Variants in FBXO8 observed in about 807,000 individuals in gnomAD.
The protein encoded by FBXO8 is F-box only protein 8.
FBXO8 carries 15 observed loss-of-function variants against 33.4 expected under a neutral mutation model. The observed-to-expected ratio is 0.45, with a 90% CI of 0.30 to 0.69. The LOEUF (loss-of-function observed/expected upper bound fraction) is 0.69. Ranked by LOEUF, FBXO8 falls within the 30% of genes least tolerant of loss-of-function variation. The pLI, the probability that FBXO8 is intolerant of heterozygous loss-of-function variation, is 0.08. For synonymous variants in FBXO8, 132 were observed against 131.5 expected (o/e 1.00, Z -0.02); for missense variants, 274 against 380.3 (o/e 0.72, Z 2.32).
rs1736857106 is a variant in FBXO8, at chr4:174,272,360, A to G, written c.-8-9260T>C. 6.6e-6 allele frequency among the ~76,000 whole-genome samples: 1 copy of G among 152,220 alleles called. No homozygotes were observed. Among genetic ancestry groups the G allele is most frequent in the African/African-American group, 2.4e-5 (1 of 41,454 alleles). ...CTCTAGATTACTTATAACATCCAAT[A>G]AGATGTAAATGCTATGTAAATAGTT... On this transcript the variant is annotated intron_variant, in intron 1 of 5. Transcript: ENST00000393674. The surrounding 1 kb of genome is among the most constrained non-coding windows in gnomAD (Gnocchi z 4.7).
chr4:174,240,993 T>G (rs1736021925), intron 4 of FBXO8, 107 bp downstream of exon 4: 1 of 561,476 alleles, frequency 1.8e-6, no homozygotes, highest in Non-Finnish European at 3.1e-6. Flanking sequence ...CTTTATTCAA[T>G]TTTGCAACCA....
In FBXO8 at chr4:174,275,313, G is replaced by C. The variant is rs184757165; in HGVS notation, c.-9+8097C>G. ...ACTATGGTGCTGGATATGTGAACTT[G>C]CACAGAACTTCATACACACACATAT... On this transcript the variant is annotated intron_variant, in intron 1 of 5. Transcript: ENST00000393674. This position sits in a 1 kb window ranked among gnomAD's most constrained non-coding sequence, Gnocchi z 4.4. 1.9e-4 allele frequency among the ~76,000 whole-genome samples: 29 copies of C among 152,240 alleles called. No individual in the cohort carries two copies. The East Asian group carries it at 5.6e-3, about 29-fold the overall frequency.
In FBXO8 at chr4:174,255,316, T is replaced by G. The variant is rs957260815; in HGVS notation, c.456+4383A>C. On this transcript the variant is annotated intron_variant, in intron 3 of 5. Coordinates refer to ENST00000393674, the MANE Select transcript of FBXO8 (RefSeq NM_012180.3). The surrounding 1 kb of genome is among the most constrained non-coding windows in gnomAD (Gnocchi z 4.3). Reference sequence around the variant, plus strand: ...ATACTGGAGCAAAAAGTCATTAACATATATCTGAGATACTATTTTTAAGAA... The same window carrying G: ...ATACTGGAGCAAAAAGTCATTAACAGATATCTGAGATACTATTTTTAAGAA... 6.6e-6 allele frequency among the ~76,000 whole-genome samples: 1 copy of G among 152,208 alleles called. No homozygotes were observed. The highest frequency in any genetic ancestry group is 2.4e-5 in the African/African-American group (1 of 41,466).
chr4:174,256,761 A>G lies in FBXO8; in HGVS notation c.456+2938T>C, dbSNP rs1736426059. Among the ~76,000 whole-genome samples, 1 of 152,104 alleles carries G rather than the reference A, an allele frequency of 6.6e-6. No individual in the cohort carries two copies. Among genetic ancestry groups the G allele is most frequent in the Admixed American group, 6.6e-5 (1 of 15,264 alleles). ...TATTAGGTAACATCTGCTAAATTAC[A>G]TGTTCATAAAAGCATAGAATCAGAA... On this transcript the variant is annotated intron_variant, in intron 3 of 5. Transcript: ENST00000393674. The surrounding 1 kb of genome is among the most constrained non-coding windows in gnomAD (Gnocchi z 4.6).
chr4:174,249,724 C>A (rs915427995), intron 3 of FBXO8, among the ~76,000 whole-genome samples: 2 of 151,892 alleles, frequency 1.3e-5, no homozygotes, highest in Admixed American at 1.3e-4. Flanking sequence ...GTAGCCAAGA[C>A]ACATATTTTA....
chr4:174,262,314 A>G lies in FBXO8; in HGVS notation c.329+450T>C, dbSNP rs1736581435. ...GAATTGAGTAAAAATGTAAGGCTCT[A>G]TATGAAGAAAATTAAAAACAGTAAC... On this transcript the variant is annotated intron_variant, in intron 2 of 5. Coordinates refer to ENST00000393674, the MANE Select transcript of FBXO8 (RefSeq NM_012180.3). The surrounding 1 kb of genome is among the most constrained non-coding windows in gnomAD (Gnocchi z 4.6). Among the ~76,000 whole-genome samples, 1 of 152,194 alleles carries G rather than the reference A, an allele frequency of 6.6e-6. No homozygotes were observed. Among genetic ancestry groups the G allele is most frequent in the Admixed American group, 6.5e-5 (1 of 15,280 alleles).
chr4:174,278,682 A>G lies in FBXO8; in HGVS notation c.-9+4728T>C, dbSNP rs1737007874. Among the ~76,000 whole-genome samples the G allele has an allele frequency of 6.6e-6, 1 of 152,096 alleles. No homozygotes were observed. Among genetic ancestry groups the G allele is most frequent in the African/African-American group, 2.4e-5 (1 of 41,438 alleles). The stretch of plus-strand genomic sequence containing the variant: ...GTAGCATATCCTAACCCACCTTCTC[A>G]GTATACACATACTCACCTGCCCACT... On this transcript the variant is annotated intron_variant, in intron 1 of 5. Coordinates refer to ENST00000393674, the MANE Select transcript of FBXO8 (RefSeq NM_012180.3). The surrounding 1 kb of genome is among the most constrained non-coding windows in gnomAD (Gnocchi z 4.1).
At position 174,267,763 on chromosome 4, in the gene FBXO8, A is replaced by T. The variant is rs1736726747; in HGVS notation, c.-8-4663T>A. Among the ~76,000 whole-genome samples, 1 of 152,202 alleles carries T rather than the reference A, an allele frequency of 6.6e-6. No individual in the cohort carries two copies. On this transcript the variant is annotated intron_variant, in intron 1 of 5. Transcript: ENST00000393674. This position sits in a 1 kb window ranked among gnomAD's most constrained non-coding sequence, Gnocchi z 4.7. The stretch of plus-strand genomic sequence containing the variant: ...ATAATATCTTGGTATAAAGATTTTA[A>T]AACTGAAACATAATATTATAAAAGA...
chr4:174,249,932 C>T (rs779057926), intron 3 of FBXO8, among the ~76,000 whole-genome samples: 2 of 151,832 alleles, frequency 1.3e-5, no homozygotes, highest in African/African-American at 4.8e-5. Flanking sequence ...AAGGACCATT[C>T]GTCAGGTGTC....
Position 174,237,725 on chromosome 4 carries a change from C to A in FBXO8, c.773-126G>T, listed in dbSNP as rs192761752. ...AGATTAGCTCATAAATACAGAGTGA[C>A]CAATCCATCCCAGTTTGTCTAGACT... is the stretch of plus-strand genomic sequence containing the variant. On this transcript the variant is annotated intron_variant, in intron 5 of 5. Transcript: ENST00000393674. This position sits in a 1 kb window ranked among gnomAD's most constrained non-coding sequence, Gnocchi z 4.4. 2 of 729,590 alleles carry A rather than the reference C, an allele frequency of 2.7e-6. No individual in the cohort carries two copies. Among genetic ancestry groups the A allele is most frequent in the Non-Finnish European group, 4.3e-6 (2 of 467,470 alleles). The allele number at this position is 729,590 out of a possible 1,614,324, so 45.2% of individuals were successfully genotyped here. A position where few individuals can be genotyped will look rare whatever the true frequency, so the allele number is the denominator to read the frequency against.
Position 174,252,284 on chromosome 4 carries a change from T to C in FBXO8, c.456+7415A>G, listed in dbSNP as rs1466937312. On this transcript the variant is annotated intron_variant, in intron 3 of 5. Transcript: ENST00000393674. The surrounding 1 kb of genome is among the most constrained non-coding windows in gnomAD (Gnocchi z 5.1). ...GACTGTACCCAGTTAGCAATGTTTA[T>C]TTTTAAAAATTTGCATTGAGGATTA... 5.3e-5 allele frequency among the ~76,000 whole-genome samples: 8 copies of C among 152,168 alleles called. No individual in the cohort carries two copies. Among genetic ancestry groups the C allele is most frequent in the African/African-American group, 1.9e-4 (8 of 41,436 alleles).
intron 1 of FBXO8, among the ~76,000 whole-genome samples, chr4:174,266,745 A>C (rs950990106): frequency 9.2e-5 from 14 of 152,192 alleles, no homozygotes; most frequent in African/African-American, 2.9e-4. Flanking sequence ...TCTGAGCTTT[A>C]GTTTCTTCAT....
intron 1 of FBXO8, among the ~76,000 whole-genome samples, chr4:174,269,943 T>C (rs1755996925): frequency 6.6e-6 from 1 of 152,238 alleles, no homozygotes; most frequent in African/African-American, 2.4e-5. Context: ...AGTCAACTAA[T>C]GCTCCTTGTG....
Position 174,239,209 on chromosome 4 carries a change from GCA to G in FBXO8, c.576-21_576-20del, listed in dbSNP as rs1735970539. The G allele has an allele frequency of 6.8e-7, 1 of 1,464,242 alleles. No homozygotes were observed. Among genetic ancestry groups the G allele is most frequent in the African/African-American group, 1.5e-5 (1 of 68,942 alleles). 90.7% of individuals were successfully genotyped at this position (1,464,242 alleles called of 1,614,324 possible). A position where few individuals can be genotyped will look rare whatever the true frequency, so the allele number is the denominator to read the frequency against. ...ATCTCTCCTACAGAAAGAAAAAAAG[GCA>G]CAGCTTTGGTTAACTTTTCTTCATT... On this transcript the variant is annotated intron_variant, in intron 4 of 5. Coordinates refer to ENST00000393674, the MANE Select transcript of FBXO8 (RefSeq NM_012180.3).
At position 174,261,423 on chromosome 4, in the gene FBXO8, G is replaced by A. The variant is rs1025287214; in HGVS notation, c.329+1341C>T. Among the ~76,000 whole-genome samples the A allele has an allele frequency of 5.3e-5, 8 of 151,826 alleles. No homozygotes were observed. The highest frequency in any genetic ancestry group is 2.6e-4 in the Admixed American group (4 of 15,230). ...AACCCCAAATGAAGAATACATTCTGGTTGACTTCAGGTAAGGCTAGAAATT... is the reference window on the plus strand; with the variant it reads ...AACCCCAAATGAAGAATACATTCTGATTGACTTCAGGTAAGGCTAGAAATT... On this transcript the variant is annotated intron_variant, in intron 2 of 5. Coordinates refer to ENST00000393674, the MANE Select transcript of FBXO8 (RefSeq NM_012180.3). This position sits in a 1 kb window ranked among gnomAD's most constrained non-coding sequence, Gnocchi z 4.1.
At chr4:174,244,180 A>G (rs1414332067) in intron 3 of FBXO8, among the ~76,000 whole-genome samples, 1 of 151,672 alleles carries the variant, frequency 6.6e-6, no homozygotes, top group Non-Finnish European at 1.5e-5. Flanking sequence ...GAGTACTAGG[A>G]AAGTCACAGA....
At chr4:174,238,772 T>TATACAC (rs1037070641) in intron 5 of FBXO8, among the ~76,000 whole-genome samples, 4 of 145,912 alleles carry the variant, frequency 2.7e-5, no homozygotes, top group Admixed American at 6.9e-5. Flanking sequence ...TATATATATA[T>TATACAC]ACACACACAC....
chr4:174,275,792 G>C lies in FBXO8; in HGVS notation c.-9+7618C>G, dbSNP rs1270379960. 6.6e-6 allele frequency among the ~76,000 whole-genome samples: 1 copy of C among 152,046 alleles called. No individual in the cohort carries two copies. Among genetic ancestry groups the C allele is most frequent in the African/African-American group, 2.4e-5 (1 of 41,408 alleles). ...AACCTATGAATCATCTCTCACTTCA[G>C]GTAAATTTGAATACATATGGATCAA... On this transcript the variant is annotated intron_variant, in intron 1 of 5. Transcript: ENST00000393674. This position sits in a 1 kb window ranked among gnomAD's most constrained non-coding sequence, Gnocchi z 4.4.
In FBXO8 at chr4:174,262,452, TC is replaced by T. The variant is rs940156255; in HGVS notation, c.329+311del. ...ACACTCCAACTTTTAAATTAGAAAT[TC>T]TCACTCCACAACTTTGCGGTATTTT... is the stretch of plus-strand genomic sequence containing the variant. On this transcript the variant is annotated intron_variant, in intron 2 of 5. Transcript: ENST00000393674. This position sits in a 1 kb window ranked among gnomAD's most constrained non-coding sequence, Gnocchi z 4.6. Among the ~76,000 whole-genome samples the T allele has an allele frequency of 3.7e-4, 57 of 152,256 alleles. No individual in the cohort carries two copies. The highest frequency in any genetic ancestry group is 9.2e-4 in the Admixed American group (14 of 15,288).
Sources: gnomAD v4.1 joint callset for allele counts (sites outside exome capture counted in the v4.1 genomes callset) on GRCh38, gnomAD v4.1.1 for gene constraint, Gnocchi (gnomAD v3.1) non-coding constraint, MANE v1.5 for transcripts, NCBI Gene and HGNC (gene_info 2026-07-23, HGNC 2026-07-21) for gene names.